WNK1: variants seen among roughly 807,000 people sequenced by gnomAD.
WNK1 encodes the protein WNK lysine deficient protein kinase 1.
Under a neutral mutation model 222.8 loss-of-function variants are expected in WNK1, and 38 were observed. The ratio of observed to expected loss-of-function variants is 0.17; its 90% CI spans 0.13 to 0.22. The LOEUF (loss-of-function observed/expected upper bound fraction) is 0.22, where lower values mean the gene tolerates loss of function less well. WNK1 is among the 10% of genes least tolerant of loss of function. WNK1 has a pLI of 1.00. For missense variants in WNK1, 2,348 were observed against 2,918.4 expected, an observed-to-expected ratio of 0.80 and a Z score of 4.50; for synonymous variants, 1,090 against 1,092.9, an observed-to-expected ratio of 1.00 and a Z score of 0.05.
chr12:792,274 TAATA>T (rs1468751637), intron 1 of WNK1, among the ~76,000 whole-genome samples: 1 of 151,782 alleles, frequency 6.6e-6, no homozygotes, highest in Non-Finnish European at 1.5e-5. Context: ...TAGTTCTGAT[TAATA>T]AATGTTTCAA....
Position 884,505 on chromosome 12 carries a change from A to G in WNK1, c.3845-144A>G. 1 of 943,816 alleles carries G rather than the reference A, an allele frequency of 1.1e-6. No individual in the cohort carries two copies. Among genetic ancestry groups the G allele is most frequent in the Non-Finnish European group, 1.6e-6 (1 of 618,830 alleles). 58.5% of individuals were successfully genotyped at this position (943,816 alleles called of 1,614,324 possible). A position where few individuals can be genotyped will look rare whatever the true frequency, so the allele number is the denominator to read the frequency against. ...GTAGTATGTGTTTATTTCTGCACTT[A>G]GTACTGTTGTCTATGTTTTAAGATT... On this transcript the variant is annotated intron_variant, in intron 18 of 27. Transcript: ENST00000315939. The surrounding 1 kb of genome is among the most constrained non-coding windows in gnomAD (Gnocchi z 5.6).
rs1415692243 is a variant in WNK1 at position 770,815 on chromosome 12, C to T, written c.759+16491C>T. On this transcript the variant is annotated intron_variant, in intron 1 of 27. Coordinates refer to ENST00000315939, the MANE Select transcript of WNK1 (RefSeq NM_018979.4). ...ATCTTTTGTTATTTGCCAGCATGTC[C>T]GGTAATCAGAAATGGCATTTCTTTA... Among the ~76,000 whole-genome samples the T allele has an allele frequency of 1.2e-4, 19 of 152,114 alleles. 1 individual carries two copies. The East Asian group carries it at 3.5e-3, about 28-fold the overall frequency.
chr12:775,098 G>T (rs943357178), intron 1 of WNK1, among the ~76,000 whole-genome samples: 5 of 151,732 alleles, frequency 3.3e-5, no homozygotes, highest in African/African-American at 1.2e-4. Flanking sequence ...TGTTTAAAAT[G>T]GATTTATCTT....
chr12:902,778 C>T (rs1442830638), intron 26 of WNK1, among the ~76,000 whole-genome samples: 2 of 152,216 alleles, frequency 1.3e-5, no homozygotes, highest in Non-Finnish European at 1.5e-5. Context: ...GAAAAGCACT[C>T]ATGGTTTCTC....
intron 5 of WNK1, among the ~76,000 whole-genome samples, chr12:857,832 CG>C (rs1235700217): frequency 6.6e-6 from 1 of 152,152 alleles, no homozygotes; most frequent in Non-Finnish European, 1.5e-5. Flanking sequence ...ATTCATCACC[CG>C]TCAGGCATGG....
intron 4 of WNK1, among the ~76,000 whole-genome samples, chr12:850,698 T>C (rs200682141): frequency 4.8e-3 from 545 of 114,290 alleles, no homozygotes; most frequent in East Asian, 0.012. Context: ...TTTTTATGGT[T>C]TTAGGTCTAA....
intron 26 of WNK1, chr12:906,932 AGG>A: frequency 5.6e-6 from 1 of 178,772 alleles, no homozygotes; most frequent in Non-Finnish European, 1.1e-5. Context: ...GCTACTTGGG[AGG>A]CTGAGGCAGG....
At chr12:810,226 G>C (rs11064543) in intron 1 of WNK1, among the ~76,000 whole-genome samples, 2 of 151,324 alleles carry the variant, frequency 1.3e-5, no homozygotes, top group Admixed American at 6.6e-5. Context: ...CAGCCTGTGC[G>C]ACAGAGCAAG....
At chr12:832,925 T>C (rs1204576901) in intron 4 of WNK1, among the ~76,000 whole-genome samples, 1 of 152,214 alleles carries the variant, frequency 6.6e-6, no homozygotes, top group Non-Finnish European at 1.5e-5. Flanking sequence ...TCATCTGCTT[T>C]GCCTTTCAGA....
rs770382819 is a variant in WNK1, at chr12:882,050, C to T, written c.3349C>T (p.Arg1117Cys). 3.1e-6 allele frequency: 5 copies of T among 1,613,278 alleles called. No homozygotes were observed. The highest frequency in any genetic ancestry group is 3.4e-6 in the Non-Finnish European group (4 of 1,179,676). ...RSRSRHEKTS[R>C]PKLRILNVSN... Reference sequence around the variant, plus strand: ...TCGCTCTCGACATGAAAAAACTTCACGCCCAAAATTAAGAATTTTGAATGT... The same window carrying T: ...TCGCTCTCGACATGAAAAAACTTCATGCCCAAAATTAAGAATTTTGAATGT... Residue 1117 changes from arginine (R) to cysteine (C), a missense_variant, in exon 14 of 28, where the codon CGC becomes TGC. This residue lies in a region of WNK1 where 20 missense variants were observed against 65.0 expected (regional missense o/e 0.31). Coordinates refer to ENST00000315939, the MANE Select transcript of WNK1 (RefSeq NM_018979.4).
intron 1 of WNK1, among the ~76,000 whole-genome samples, chr12:809,086 C>T (rs1275396193): frequency 6.6e-6 from 1 of 151,752 alleles, no homozygotes; most frequent in South Asian, 2.1e-4. Flanking sequence ...TATAAGTAGA[C>T]TTTTCTTCTT....
At chr12:799,279 T>C (rs11064539) in intron 1 of WNK1, among the ~76,000 whole-genome samples, 543 of 151,810 alleles carry the variant, frequency 3.6e-3, no homozygotes, top group African/African-American at 0.013. Context: ...TGCACCACCA[T>C]GTCTGTCTAA....
At chr12:897,832 A>T in intron 25 of WNK1, 151 bp downstream of exon 25, 1 of 755,342 alleles carries the variant, frequency 1.3e-6, no homozygotes. Context: ...TGCTGTACTT[A>T]CATTTATTGT....
chr12:763,878 G>GA, intron 1 of WNK1, among the ~76,000 whole-genome samples: 1 of 147,660 alleles, frequency 6.8e-6, no homozygotes, highest in African/African-American at 2.4e-5. Flanking sequence ...AACTGAGAGA[G>GA]AAAAATCAAA....
chr12:867,348 A>C (rs538029159), intron 8 of WNK1, among the ~76,000 whole-genome samples: 1 of 152,342 alleles, frequency 6.6e-6, no homozygotes, highest in East Asian at 1.9e-4. Flanking sequence ...TAGAAGGCAT[A>C]CTATTAATTG....
At chr12:876,293 C>T (rs888928129) in intron 9 of WNK1, among the ~76,000 whole-genome samples, 2 of 152,092 alleles carry the variant, frequency 1.3e-5, no homozygotes, top group South Asian at 2.1e-4. Context: ...CCTGTAGTCC[C>T]AGCTGCTCAG....
At chr12:813,481 C>A (rs1947085348) in intron 1 of WNK1, among the ~76,000 whole-genome samples, 161 bp from the exon 2 acceptor site, 1 of 152,186 alleles carries the variant, frequency 6.6e-6, no homozygotes, top group East Asian at 1.9e-4. Context: ...TGATCTCAAG[C>A]ATGAATGTAT....
At chr12:813,006 C>T (rs1947043572) in intron 1 of WNK1, among the ~76,000 whole-genome samples, 3 of 151,886 alleles carry the variant, frequency 2.0e-5, no homozygotes, top group Admixed American at 2.0e-4. Context: ...TTTGGGATGC[C>T]AAAGTAGGAG....
intron 1 of WNK1, among the ~76,000 whole-genome samples, chr12:757,514 A>G (rs1027455584): frequency 6.6e-6 from 1 of 151,968 alleles, no homozygotes; most frequent in African/African-American, 2.4e-5. Flanking sequence ...AATTCTTAGT[A>G]AATAATGCCT....
Sources: gnomAD v4.1 joint callset for allele counts (sites outside exome capture counted in the v4.1 genomes callset) on GRCh38, gnomAD v4.1.1 for gene constraint, gnomAD v4.1.1 regional missense constraint, Gnocchi (gnomAD v3.1) non-coding constraint, MANE v1.5 for transcripts, NCBI Gene and HGNC (gene_info 2026-07-23, HGNC 2026-07-21) for gene names.